The following PROS1 variants were observed in gnomAD, a reference collection of about 807,000 sequenced individuals.
PROS1 encodes the protein vitamin K-dependent protein S.
Under a neutral mutation model 75.9 loss-of-function variants are expected in PROS1, and 29 were observed. That is an observed-to-expected ratio of 0.38 (90% CI 0.28 to 0.52). PROS1 has a LOEUF of 0.52. Among genes scored for constraint, PROS1 ranks in the 20% least tolerant of loss-of-function variants. PROS1 has a pLI of 0.83. For missense variants in PROS1, 680 were observed against 810.3 expected, an observed-to-expected ratio of 0.84 and a Z score of 1.95; for synonymous variants, 245 against 280.6, an observed-to-expected ratio of 0.87 and a Z score of 1.27.
At chr3:93,890,732 A>G (rs958795648) in intron 10 of PROS1, among the ~76,000 whole-genome samples, 2 of 152,236 alleles carry the variant, frequency 1.3e-5, no homozygotes. Context: ...ACTCACTAAA[A>G]GCTTACTGAA....
At chr3:93,969,522 G>T (rs1208648863) in intron 1 of PROS1, among the ~76,000 whole-genome samples, 1 of 152,146 alleles carries the variant, frequency 6.6e-6, no homozygotes, top group Non-Finnish European at 1.5e-5. Context: ...CCAGTGCCAG[G>T]CTAAGCCAAA....
At chr3:93,952,888 A>G (rs1447798291) in intron 1 of PROS1, among the ~76,000 whole-genome samples, 2 of 152,210 alleles carry the variant, frequency 1.3e-5, no homozygotes, top group African/African-American at 4.8e-5. Context: ...AAAAAATGAT[A>G]AAGGAGATAT....
intron 10 of PROS1, among the ~76,000 whole-genome samples, chr3:93,890,923 T>C (rs1227044369): frequency 6.6e-6 from 1 of 152,084 alleles, no homozygotes; most frequent in Non-Finnish European, 1.5e-5. Context: ...CTGGCCAACA[T>C]GGTGAAACCT....
intron 1 of PROS1, among the ~76,000 whole-genome samples, chr3:93,971,627 C>CCACCCACA (rs1709882584): frequency 8.0e-6 from 1 of 124,374 alleles, no homozygotes; most frequent in Non-Finnish European, 1.6e-5. Context: ...AAAATAAAAA[C>CCACCCACA]CACACACACA....
At chr3:93,888,237 C>T (rs780547400) in intron 10 of PROS1, among the ~76,000 whole-genome samples, 9 of 152,250 alleles carry the variant, frequency 5.9e-5, no homozygotes, top group Non-Finnish European at 1.2e-4. Flanking sequence ...TTAATATTAC[C>T]AATGGCAACA....
At chr3:93,879,444 A>G (rs1023702726) in intron 12 of PROS1, 130 bp from the exon 13 acceptor site, 23 of 1,293,724 alleles carry the variant, frequency 1.8e-5, no homozygotes, top group Non-Finnish European at 2.4e-5. Flanking sequence ...CCCTTTCTCA[A>G]TGATCTATAT....
intron 10 of PROS1, among the ~76,000 whole-genome samples, chr3:93,891,454 G>A (rs566340293): frequency 6.6e-6 from 1 of 152,238 alleles, no homozygotes; most frequent in East Asian, 1.9e-4. Context: ...TTTTGAGACA[G>A]TCTTGCTTTG....
intron 10 of PROS1, among the ~76,000 whole-genome samples, chr3:93,892,352 C>T (rs1017567471): frequency 6.7e-5 from 10 of 149,186 alleles, no homozygotes; most frequent in African/African-American, 2.0e-4. Flanking sequence ...ATGCTAGCCG[C>T]GGTGGCTCAC....
chr3:93,892,779 G>T (rs1708451794), intron 10 of PROS1, among the ~76,000 whole-genome samples, 154 bp downstream of exon 10: 1 of 152,100 alleles, frequency 6.6e-6, no homozygotes, highest in Non-Finnish European at 1.5e-5. Flanking sequence ...TTATTTCTCA[G>T]GATGCTTCAG....
chr3:93,890,548 G>A (rs1227267935), intron 10 of PROS1, among the ~76,000 whole-genome samples: 2 of 152,102 alleles, frequency 1.3e-5, no homozygotes, highest in Non-Finnish European at 2.9e-5. Flanking sequence ...GATATGTGAT[G>A]TCACCCCTGG....
intron 12 of PROS1, among the ~76,000 whole-genome samples, chr3:93,881,339 T>C (rs1708272791): frequency 6.6e-6 from 1 of 151,392 alleles, no homozygotes; most frequent in South Asian, 2.1e-4. Flanking sequence ...AACAAACAAA[T>C]GTAGTAAATA....
chr3:93,933,884 T>C (rs567277460), intron 1 of PROS1, among the ~76,000 whole-genome samples: 116 of 151,874 alleles, frequency 7.6e-4, no homozygotes, highest in African/African-American at 2.7e-3. Flanking sequence ...TGGTGCGTGC[T>C]TGTAACCCCA....
intron 3 of PROS1, among the ~76,000 whole-genome samples, chr3:93,923,164 A>G (rs941840438): frequency 5.9e-5 from 9 of 152,194 alleles, no homozygotes; most frequent in Admixed American, 1.3e-4. Flanking sequence ...GCCAAATGAG[A>G]TAGGCAAAGA....
intron 9 of PROS1, among the ~76,000 whole-genome samples, chr3:93,894,987 G>A (rs1332805073): frequency 6.6e-6 from 1 of 152,066 alleles, no homozygotes; most frequent in African/African-American, 2.4e-5. Context: ...CTGGAGATTG[G>A]CTCCAGGACC....
chr3:93,929,090 C>G (rs1709068408), intron 1 of PROS1, among the ~76,000 whole-genome samples: 1 of 152,096 alleles, frequency 6.6e-6, no homozygotes, highest in Non-Finnish European at 1.5e-5. Context: ...TAAGTATGTC[C>G]TACATATATG....
At chr3:93,949,131 G>A (rs1229304123) in intron 1 of PROS1, among the ~76,000 whole-genome samples, 4 of 152,146 alleles carry the variant, frequency 2.6e-5, no homozygotes, top group Non-Finnish European at 5.9e-5. Flanking sequence ...CATCGCTGCT[G>A]TCCTTAAAGT....
chr3:93,960,532 CTTTTTTTTT>C (rs774875701), intron 1 of PROS1, among the ~76,000 whole-genome samples: 1,558 of 50,068 alleles, frequency 0.031, 14 homozygotes, highest in Non-Finnish European at 0.039. Context: ...CTCCATTGCT[CTTTTTTTTT>C]TTTTTTTTTT....
chr3:93,891,270 A>G (rs932360298), intron 10 of PROS1, among the ~76,000 whole-genome samples: 1 of 152,164 alleles, frequency 6.6e-6, no homozygotes, highest in Non-Finnish European at 1.5e-5. Context: ...GATGGCAGCA[A>G]TGACTCTATA....
intron 1 of PROS1, among the ~76,000 whole-genome samples, chr3:93,951,822 G>A (rs1391438055): frequency 1.3e-5 from 2 of 152,192 alleles, no homozygotes; most frequent in Non-Finnish European, 2.9e-5. Context: ...TCAGTGTGCT[G>A]TATTCAGGAG....
Sources: allele counts gnomAD v4.1 joint callset (sites outside exome capture counted in the v4.1 genomes callset), GRCh38; gene constraint gnomAD v4.1.1; transcripts MANE v1.5; gene names NCBI Gene and HGNC (gene_info 2026-07-23, HGNC 2026-07-21).